The following PKNOX2 variants were observed in gnomAD, a reference collection of about 807,000 sequenced individuals.
PKNOX2 encodes homeobox protein PKNOX2.
In PKNOX2, 14 loss-of-function variants were observed where a neutral mutation model predicts 53.1. The ratio of observed to expected loss-of-function variants is 0.26; its 90% confidence interval spans 0.17 to 0.41. The LOEUF (loss-of-function observed/expected upper bound fraction) is 0.41. Ranked by LOEUF, PKNOX2 falls within the 10% of genes least tolerant of loss-of-function variation. PKNOX2 has a pLI of 1.00. For missense variants in PKNOX2, 496 were observed against 602.8 expected, an observed-to-expected ratio of 0.82 and a Z score of 1.85; for synonymous variants, 257 against 242.8, an observed-to-expected ratio of 1.06 and a Z score of -0.54.
chr11:125,214,933 G>A (rs567257908), intron 1 of PKNOX2, among the ~76,000 whole-genome samples: 147 of 152,198 alleles, frequency 9.7e-4, no homozygotes, highest in African/African-American at 3.2e-3. Flanking sequence ...AGATAAAGGC[G>A]TGAGATCCCC....
rs199834697 is a variant in PKNOX2 at position 125,188,042 on chromosome 11, T to C, written c.-201+23266T>C. On this transcript the variant is annotated intron_variant, in intron 1 of 12. Coordinates refer to ENST00000298282, the MANE Select transcript of PKNOX2 (RefSeq NM_001382323.2). ...TAAGCTCCTACTATGTTGCAGGCACTTTTATTACCTCATTTGATTCTAAAA... is the reference window on the plus strand; with the variant it reads ...TAAGCTCCTACTATGTTGCAGGCACCTTTATTACCTCATTTGATTCTAAAA... 12 of 152,376 alleles carry C rather than the reference T, an allele frequency of 7.9e-5. No individual in the cohort carries two copies. In the East Asian group the frequency reaches 2.1e-3, roughly 27 times the overall value. 9.4% of individuals were successfully genotyped at this position (152,376 alleles called of 1,614,324 possible).
At chr11:125,343,517 G>A (rs1950817130) in intron 3 of PKNOX2, among the ~76,000 whole-genome samples, 2 of 152,192 alleles carry the variant, frequency 1.3e-5, no homozygotes. Context: ...GGAGAGTAAT[G>A]TGAGAACTCT....
chr11:125,410,329 G>A lies in PKNOX2; in HGVS notation c.718+4G>A, dbSNP rs3824918. On this transcript the variant is annotated splice_donor_region_variant and intron_variant, in intron 8 of 12. Transcript: ENST00000298282. ...GTCAACTCACAAGTTGTGTCAGGTC[G>A]GTGCAAAGACTGGGAAGGGTGATTG... 14,168 of 1,613,872 alleles carry A rather than the reference G, an allele frequency of 8.8e-3. 927 individuals are homozygous for A. The East Asian group carries it at 0.19, about 22-fold the overall frequency.
chr11:125,291,911 G>C (rs78457711), intron 2 of PKNOX2, among the ~76,000 whole-genome samples: 2,604 of 152,320 alleles, frequency 0.017, 86 homozygotes, highest in African/African-American at 0.059. Context: ...GCTTGGAGGA[G>C]GTAGAGATGG....
At chr11:125,263,526 C>T (rs1020469108) in intron 2 of PKNOX2, among the ~76,000 whole-genome samples, 1 of 152,238 alleles carries the variant, frequency 6.6e-6, no homozygotes, top group Non-Finnish European at 1.5e-5. Context: ...ATGTCGGTTT[C>T]CATAGCAACC....
At chr11:125,209,159 C>T (rs688554) in intron 1 of PKNOX2, among the ~76,000 whole-genome samples, 72,965 of 151,644 alleles carry the variant, frequency 0.48, 18,354 homozygotes, top group African/African-American at 0.57. Context: ...AAATCTCTTG[C>T]CTTACCTAGT....
chr11:125,198,079 CTG>C (rs568692424), intron 1 of PKNOX2, among the ~76,000 whole-genome samples: 46 of 152,236 alleles, frequency 3.0e-4, no homozygotes, highest in Non-Finnish European at 6.2e-4. Context: ...GGTCCCTCGT[CTG>C]TGTTTCCCAG....
chr11:125,169,263 C>A (rs1955110566), intron 1 of PKNOX2, among the ~76,000 whole-genome samples: 1 of 152,182 alleles, frequency 6.6e-6, no homozygotes, highest in Non-Finnish European at 1.5e-5. Context: ...CTGAGTCTAG[C>A]CAACACACCA....
intron 3 of PKNOX2, among the ~76,000 whole-genome samples, chr11:125,333,273 A>G (rs1300344557): frequency 2.0e-5 from 3 of 152,114 alleles, no homozygotes; most frequent in Non-Finnish European, 4.4e-5. Context: ...AATAGAACTG[A>G]GGCTCTTCCT....
intron 1 of PKNOX2, among the ~76,000 whole-genome samples, chr11:125,185,388 A>G (rs557584043): frequency 6.6e-6 from 1 of 152,290 alleles, no homozygotes; most frequent in South Asian, 2.1e-4. Flanking sequence ...AAAATTTGCC[A>G]TTTTAACCAT....
At chr11:125,300,767 GGC>G (rs1948004005) in intron 2 of PKNOX2, among the ~76,000 whole-genome samples, 1 of 152,174 alleles carries the variant, frequency 6.6e-6, no homozygotes, top group African/African-American at 2.4e-5. Context: ...GATCCCAACA[GGC>G]AGGGCCCTGC....
At chr11:125,226,004 G>A (rs966246486) in intron 1 of PKNOX2, among the ~76,000 whole-genome samples, 1 of 152,242 alleles carries the variant, frequency 6.6e-6, no homozygotes, top group Non-Finnish European at 1.5e-5. Context: ...GTTCAGGAAA[G>A]CAGAGGTGTG....
intron 2 of PKNOX2, among the ~76,000 whole-genome samples, chr11:125,298,895 C>T (rs1947836365): frequency 1.3e-5 from 2 of 152,202 alleles, no homozygotes; most frequent in African/African-American, 4.8e-5. Context: ...GGCCAAGAGA[C>T]ACCTGTCACC....
intron 1 of PKNOX2, among the ~76,000 whole-genome samples, chr11:125,175,262 A>AGGAAGGAG (rs1955632735): frequency 6.6e-6 from 1 of 151,326 alleles, no homozygotes. Flanking sequence ...GAAGGAAGGA[A>AGGAAGGAG]GGAGGGAGAG....
intron 1 of PKNOX2, among the ~76,000 whole-genome samples, chr11:125,210,599 C>T (rs1939718585): frequency 6.6e-6 from 1 of 152,104 alleles, no homozygotes; most frequent in South Asian, 2.1e-4. Context: ...TTTTCAGGGT[C>T]TCTGGCTATG....
chr11:125,181,000 A>G (rs1413627134), intron 1 of PKNOX2, among the ~76,000 whole-genome samples: 2 of 152,254 alleles, frequency 1.3e-5, no homozygotes, highest in Admixed American at 1.3e-4. Context: ...TAGTTTAGCT[A>G]GGGAGACAAT....
chr11:125,224,576 T>A (rs1941516353), intron 1 of PKNOX2, among the ~76,000 whole-genome samples: 1 of 152,236 alleles, frequency 6.6e-6, no homozygotes, highest in African/African-American at 2.4e-5. Context: ...GCAGTTTTCC[T>A]ACTCCGTTTG....
chr11:125,213,148 C>T (rs746696493), intron 1 of PKNOX2, among the ~76,000 whole-genome samples: 9 of 152,092 alleles, frequency 5.9e-5, no homozygotes, highest in African/African-American at 9.7e-5. Flanking sequence ...ATTTTATTCT[C>T]CCCCATCTTC....
chr11:125,292,036 T>C (rs764406142), intron 2 of PKNOX2, among the ~76,000 whole-genome samples: 2 of 152,212 alleles, frequency 1.3e-5, no homozygotes, highest in African/African-American at 4.8e-5. Flanking sequence ...CACTGAATTG[T>C]ACATTTAATG....
Sources: allele counts gnomAD v4.1 joint callset (sites outside exome capture counted in the v4.1 genomes callset), GRCh38; gene constraint gnomAD v4.1.1; transcripts MANE v1.5; gene names NCBI Gene and HGNC (gene_info 2026-07-23, HGNC 2026-07-21).